NRG1: variants seen among roughly 807,000 people sequenced by gnomAD.
The protein encoded by NRG1 is neuregulin 1, also known as pro-neuregulin-1, membrane-bound isoform.
NRG1 carries 18 observed loss-of-function variants against 63.8 expected under a neutral mutation model. The observed-to-expected ratio is 0.28, with a 90% CI of 0.19 to 0.42. The LOEUF is 0.42. NRG1 is among the 10% of genes least tolerant of loss of function. NRG1 has a pLI of 1.00. For missense variants in NRG1, 762 were observed against 814.7 expected (o/e 0.94, Z 0.79); for synonymous variants, 302 against 301.3 (o/e 1.00, Z -0.02).
chr8:32,048,384 A>AAT (rs1455858806), intron 1 of NRG1, among the ~76,000 whole-genome samples: 48 of 147,342 alleles, frequency 3.3e-4, no homozygotes, highest in Non-Finnish European at 3.0e-4. Flanking sequence ...TATATGTATG[A>AAT]ATATATATAC....
At chr8:32,354,645 C>T (rs1714423) in intron 1 of NRG1, among the ~76,000 whole-genome samples, 22,468 of 151,400 alleles carry the variant, frequency 0.15, 2,449 homozygotes, top group East Asian at 0.57. Flanking sequence ...GTAATACCAG[C>T]ACTCTGGAAG....
chr8:32,647,270 G>A, intron 5 of NRG1: 1 of 985,370 alleles, frequency 1.0e-6, no homozygotes, highest in South Asian at 4.7e-5. Flanking sequence ...CACCGCCGCT[G>A]GTCCTCCTTC....
intron 5 of NRG1, among the ~76,000 whole-genome samples, chr8:32,702,005 A>G (rs1815024013): frequency 6.6e-6 from 1 of 152,234 alleles, no homozygotes; most frequent in African/African-American, 2.4e-5. Context: ...CTAGTAATCA[A>G]GTATCCTTCT....
At chr8:31,877,627 A>G (rs552735627) in intron 1 of NRG1, among the ~76,000 whole-genome samples, 2 of 152,300 alleles carry the variant, frequency 1.3e-5, no homozygotes, top group Admixed American at 1.3e-4. Flanking sequence ...CTTGTAGCTT[A>G]TTTTGTGACA....
At chr8:31,858,483 C>G (rs1487120127) in intron 1 of NRG1, among the ~76,000 whole-genome samples, 1 of 152,100 alleles carries the variant, frequency 6.6e-6, no homozygotes, top group Non-Finnish European at 1.5e-5. Flanking sequence ...GCAACAACAA[C>G]AAACAATTTC....
At chr8:32,474,467 T>A (rs1824229624) in intron 1 of NRG1, among the ~76,000 whole-genome samples, 1 of 101,152 alleles carries the variant, frequency 9.9e-6, no homozygotes, top group African/African-American at 3.7e-5. Context: ...CCTCTGGTTC[T>A]GCCTTGGACT....
At chr8:32,592,501 A>G (rs369880254) in intron 1 of NRG1, among the ~76,000 whole-genome samples, 13 of 152,286 alleles carry the variant, frequency 8.5e-5, no homozygotes, top group East Asian at 5.8e-4. Flanking sequence ...GTTGTTTTAT[A>G]GAATATCTCT....
At chr8:32,160,951 C>G (rs999766742) in intron 1 of NRG1, among the ~76,000 whole-genome samples, 6 of 152,144 alleles carry the variant, frequency 3.9e-5, no homozygotes, top group African/African-American at 1.2e-4. Context: ...TACCTACACT[C>G]TACTAAAATT....
intron 1 of NRG1, among the ~76,000 whole-genome samples, chr8:32,065,189 T>G (rs1824553150): frequency 6.6e-6 from 1 of 152,024 alleles, no homozygotes; most frequent in Admixed American, 6.6e-5. Context: ...GATTTTTTCT[T>G]TCTTTCTTTA....
chr8:32,111,582 T>C (rs1173823537), intron 1 of NRG1, among the ~76,000 whole-genome samples: 3 of 152,222 alleles, frequency 2.0e-5, no homozygotes, highest in African/African-American at 7.2e-5. Context: ...GGCTTGGACA[T>C]ATGAATTGCA....
intron 1 of NRG1, among the ~76,000 whole-genome samples, chr8:31,869,384 C>A (rs1262662481): frequency 6.6e-6 from 1 of 152,154 alleles, no homozygotes; most frequent in East Asian, 1.9e-4. Context: ...GCAGCCACAC[C>A]TGGAGACCCA....
intron 5 of NRG1, among the ~76,000 whole-genome samples, chr8:32,722,494 A>G (rs1820906956): frequency 6.6e-6 from 1 of 152,196 alleles, no homozygotes; most frequent in Non-Finnish European, 1.5e-5. Flanking sequence ...ATTCCATGGG[A>G]AAATATTTAG....
At chr8:32,015,578 T>A (rs1219081772) in intron 1 of NRG1, among the ~76,000 whole-genome samples, 1 of 152,184 alleles carries the variant, frequency 6.6e-6, no homozygotes, top group South Asian at 2.1e-4. Flanking sequence ...ATGTATAACA[T>A]GGTAGTGCAA....
At chr8:32,721,240 A>G (rs1171399351) in intron 5 of NRG1, among the ~76,000 whole-genome samples, 1 of 152,196 alleles carries the variant, frequency 6.6e-6, no homozygotes, top group Non-Finnish European at 1.5e-5. Flanking sequence ...AAAATATAGG[A>G]TAAACTATAA....
intron 1 of NRG1, among the ~76,000 whole-genome samples, chr8:31,867,220 A>C (rs1352058685): frequency 6.6e-6 from 1 of 152,186 alleles, no homozygotes; most frequent in Non-Finnish European, 1.5e-5. Flanking sequence ...TCCTTTCTGA[A>C]TGTGGTAAGC....
intron 1 of NRG1, among the ~76,000 whole-genome samples, chr8:31,979,402 T>C (rs1291922086): frequency 6.6e-6 from 1 of 152,142 alleles, no homozygotes; most frequent in South Asian, 2.1e-4. Flanking sequence ...AACTTATATT[T>C]ACACTGTTCT....
At chr8:31,964,990 G>T (rs1310642691) in intron 1 of NRG1, among the ~76,000 whole-genome samples, 4 of 152,122 alleles carry the variant, frequency 2.6e-5, no homozygotes, top group Non-Finnish European at 5.9e-5. Flanking sequence ...CAAGACAAAA[G>T]CTCCATCGTT....
intron 5 of NRG1, among the ~76,000 whole-genome samples, chr8:32,690,625 G>T (rs932995797): frequency 6.6e-6 from 1 of 152,016 alleles, no homozygotes; most frequent in Non-Finnish European, 1.5e-5. Flanking sequence ...TAAAAGCCCA[G>T]GACTCCAAAG....
chr8:32,411,418 C>A (rs1215689185), intron 1 of NRG1, among the ~76,000 whole-genome samples: 1 of 152,156 alleles, frequency 6.6e-6, no homozygotes, highest in Non-Finnish European at 1.5e-5. Context: ...ACTTCAAAAT[C>A]CACCATTAGG....
Sources: allele counts gnomAD v4.1 joint callset (sites outside exome capture counted in the v4.1 genomes callset), GRCh38; gene constraint gnomAD v4.1.1; transcripts MANE v1.5; gene names NCBI Gene and HGNC (gene_info 2026-07-23, HGNC 2026-07-21).